Variants in RRM1 observed in about 807,000 individuals in gnomAD.
RRM1 encodes the protein ribonucleoside-diphosphate reductase large subunit.
A neutral mutation model predicts 101.5 loss-of-function variants in RRM1; 19 were observed. The observed-to-expected ratio is 0.19, with a 90% CI of 0.13 to 0.27. The LOEUF (loss-of-function observed/expected upper bound fraction) is 0.27. Ranked by LOEUF, RRM1 falls within the 10% of genes least tolerant of loss-of-function variation. The pLI is 1.00. For missense variants in RRM1, 500 were observed against 962.9 expected (o/e 0.52, Z 6.36); for synonymous variants, 298 against 323.4 (o/e 0.92, Z 0.84).
chr11:4,115,800 A>G (rs976382875), intron 7 of RRM1, among the ~76,000 whole-genome samples: 1 of 152,044 alleles, frequency 6.6e-6, no homozygotes, highest in Non-Finnish European at 1.5e-5. Flanking sequence ...CAGGTGATCC[A>G]CCTGCCTGGG....
intron 7 of RRM1, among the ~76,000 whole-genome samples, chr11:4,115,804 G>A (rs1184008176): frequency 6.6e-6 from 1 of 152,044 alleles, no homozygotes; most frequent in Non-Finnish European, 1.5e-5. Context: ...TGATCCACCT[G>A]CCTGGGCCTC....
At chr11:4,103,189 C>T (rs991303393) in intron 2 of RRM1, among the ~76,000 whole-genome samples, 6 of 152,166 alleles carry the variant, frequency 3.9e-5, no homozygotes, top group African/African-American at 9.7e-5. Context: ...GTATCTTATT[C>T]TTGTGATATC....
intron 5 of RRM1, 40 bp downstream of exon 5, chr11:4,109,743 A>C: frequency 1.4e-6 from 2 of 1,469,626 alleles, no homozygotes; most frequent in Non-Finnish European, 9.4e-7. Flanking sequence ...TTTATACTTA[A>C]ATCATGAAAT....
intron 9 of RRM1, among the ~76,000 whole-genome samples, chr11:4,120,241 C>T (rs1252630210): frequency 1.3e-5 from 2 of 152,190 alleles, no homozygotes; most frequent in African/African-American, 4.8e-5. Context: ...CATACTTTAT[C>T]CCTGGCTCTA....
chr11:4,131,164 A>G (rs1203245017), intron 15 of RRM1, among the ~76,000 whole-genome samples: 2 of 152,208 alleles, frequency 1.3e-5, no homozygotes, highest in African/African-American at 2.4e-5. Flanking sequence ...GGAGGCAAAC[A>G]GGTCCTTCTT....
intron 8 of RRM1, among the ~76,000 whole-genome samples, chr11:4,118,683 C>T (rs1302891114): frequency 6.6e-6 from 1 of 152,006 alleles, no homozygotes; most frequent in Non-Finnish European, 1.5e-5. Flanking sequence ...CTTTTTAGCT[C>T]AGGTTTTAGA....
intron 1 of RRM1, among the ~76,000 whole-genome samples, chr11:4,101,561 C>CCCCCT (rs1554973338): frequency 1.9e-5 from 1 of 51,840 alleles, no homozygotes. Flanking sequence ...TGATCCACAC[C>CCCCCT]CCCCCCCGCT....
At chr11:4,116,975 A>AG (rs1491139273) in intron 7 of RRM1, among the ~76,000 whole-genome samples, 1 of 146,162 alleles carries the variant, frequency 6.8e-6, no homozygotes, top group Non-Finnish European at 1.5e-5. Context: ...TCAAAAAAAA[A>AG]GAAAAGAAAA....
In RRM1 at chr11:4,133,618, A is replaced by C; in HGVS notation, c.1961A>C (p.Glu654Ala). 1 of 1,612,552 alleles carries C rather than the reference A, an allele frequency of 6.2e-7. No homozygotes were observed. The highest frequency in any genetic ancestry group is 8.5e-7 in the Non-Finnish European group (1 of 1,179,008). ...DLTERGLWHE[E>A]MKNQIIACNG... ...ACCGAGCGGGGCCTATGGCATGAAG[A>C]GATGAAAAACCAGATTATTGCATGC... Residue 654 changes from glutamate (E) to alanine (A), a missense_variant, in exon 17 of 19, where the codon GAG becomes GCG. Transcript: ENST00000300738.
At chr11:4,108,635 A>C (rs992073954) in intron 4 of RRM1, among the ~76,000 whole-genome samples, 4 of 148,384 alleles carry the variant, frequency 2.7e-5, no homozygotes, top group African/African-American at 9.9e-5. Context: ...TTAATTGACT[A>C]TCTCTCTAAA....
chr11:4,100,710 G>C (rs1203556444), intron 1 of RRM1, among the ~76,000 whole-genome samples: 1 of 152,130 alleles, frequency 6.6e-6, no homozygotes, highest in African/African-American at 2.4e-5. Flanking sequence ...TTATAACGAG[G>C]TATAGTTGTA....
rs2094594659 is a variant in RRM1 at position 4,129,102 on chromosome 11, C to T, written c.1721C>T (p.Thr574Ile). ...GILQYDMWNVTPTDLWDWKVL... is the reference protein window; with the variant it reads ...GILQYDMWNVIPTDLWDWKVL... ...CTTCAGTATGATATGTGGAATGTTA[C>T]TCCTACAGACCTATGGGACTGGAAG... Residue 574 changes from threonine (T) to isoleucine (I), a missense_variant, in exon 15 of 19, where the codon ACT (threonine) becomes ATT (isoleucine). By Grantham distance (89) the Thr-to-Ile change is moderately conservative. Coordinates refer to ENST00000300738, the MANE Select transcript of RRM1 (RefSeq NM_001033.5). The T allele has an allele frequency of 6.3e-7, 1 of 1,598,498 alleles. No homozygotes were observed. Among genetic ancestry groups the T allele is most frequent in the African/African-American group, 1.4e-5 (1 of 73,904 alleles).
chr11:4,134,312 A>T (rs1251776504), intron 17 of RRM1, among the ~76,000 whole-genome samples: 1 of 152,212 alleles, frequency 6.6e-6, no homozygotes, highest in Non-Finnish European at 1.5e-5. Flanking sequence ...TGGTGATTCC[A>T]AAGTATATCA....
chr11:4,117,471 T>C (rs2094575301), intron 7 of RRM1, among the ~76,000 whole-genome samples: 1 of 152,242 alleles, frequency 6.6e-6, no homozygotes, highest in South Asian at 2.1e-4. Context: ...AAATAAAGTT[T>C]GTTTACATAT....
chr11:4,101,528 G>C (rs189104186), intron 1 of RRM1, among the ~76,000 whole-genome samples: 2 of 138,520 alleles, frequency 1.4e-5, no homozygotes, highest in African/African-American at 2.8e-5. Flanking sequence ...TGATCAGGCT[G>C]ATCTCGAACT....
At chr11:4,134,525 AAC>A (rs2094605819) in intron 17 of RRM1, among the ~76,000 whole-genome samples, 1 of 152,226 alleles carries the variant, frequency 6.6e-6, no homozygotes, top group Admixed American at 6.5e-5. Context: ...AGAGTCCTAT[AAC>A]AGTTCCATAT....
In RRM1 at chr11:4,106,230, C is replaced by G; in HGVS notation, c.286+7C>G. On this transcript the variant is annotated splice_region_variant and intron_variant, in intron 3 of 18. Transcript: ENST00000300738. ...ACAAAGAAAGTGTTCAGTGGTAAGT[C>G]TGGGGTGAAAAAGTAAAAATTTAGT... 6.2e-7 allele frequency: 1 copy of G among 1,610,864 alleles called. No individual in the cohort carries two copies. Among genetic ancestry groups the G allele is most frequent in the Non-Finnish European group, 8.5e-7 (1 of 1,178,208 alleles).
intron 1 of RRM1, among the ~76,000 whole-genome samples, chr11:4,096,731 G>A (rs2094544099): frequency 6.6e-6 from 1 of 151,802 alleles, no homozygotes; most frequent in South Asian, 2.1e-4. Flanking sequence ...TTGAACTCCT[G>A]GGCTCAAGCA....
intron 12 of RRM1, among the ~76,000 whole-genome samples, chr11:4,125,145 C>T (rs1441963097): frequency 1.3e-5 from 2 of 152,034 alleles, no homozygotes; most frequent in African/African-American, 4.8e-5. Flanking sequence ...AATCTCTTGA[C>T]CTCGTGATCC....
Sources: gnomAD v4.1 joint callset for allele counts (sites outside exome capture counted in the v4.1 genomes callset) on GRCh38, gnomAD v4.1.1 for gene constraint, MANE v1.5 for transcripts, NCBI Gene and HGNC (gene_info 2026-07-23, HGNC 2026-07-21) for gene names.